Variants in TUBGCP2 observed in about 807,000 individuals in gnomAD.
TUBGCP2 encodes the protein gamma-tubulin complex component 2.
TUBGCP2 carries 55 observed loss-of-function variants against 92.2 expected under a neutral mutation model. The observed-to-expected ratio is 0.60, with a 90% CI of 0.48 to 0.75. TUBGCP2 has a LOEUF of 0.75. Among genes scored for constraint, TUBGCP2 ranks in the 30% least tolerant of loss-of-function variants. The pLI is 0.00. For synonymous variants in TUBGCP2, 533 were observed against 505.2 expected (o/e 1.06, Z -0.74); for missense variants, 1,093 against 1,188.9 (o/e 0.92, Z 1.19).
rs1564937795 is a variant in TUBGCP2, at chr10:133,289,805, C to CTCG, written c.1360+18_1360+19insCGA. The CTCG allele has an allele frequency of 6.2e-7, 1 of 1,613,562 alleles. No homozygotes were observed. The highest frequency in any genetic ancestry group is 8.5e-7 in the Non-Finnish European group (1 of 1,179,800). ...AGAGCTGTGCTGCGCACCCCAAGTCCCCGCCCGCTGCGCCGCACCTGTGCT... is the reference window on the plus strand; with the variant it reads ...AGAGCTGTGCTGCGCACCCCAAGTCCTCGCCGCCCGCTGCGCCGCACCTGTGCT... On this transcript the variant is annotated intron_variant, in intron 9 of 17. Coordinates refer to ENST00000252936, the MANE Select transcript of TUBGCP2 (RefSeq NM_006659.4).
In TUBGCP2 at chr10:133,278,863, C is replaced by T. The variant is rs936817248; in HGVS notation, c.*903G>A. ...GCCCTTCCTCACTGCCCAAGGGGGC[C>T]GAGGTGCTGAGAGCTGAAGGTGACA... On this transcript the variant is annotated 3_prime_UTR_variant, in exon 18 of 18. Coordinates refer to ENST00000252936, the MANE Select transcript of TUBGCP2 (RefSeq NM_006659.4). 5.3e-5 allele frequency: 8 copies of T among 152,362 alleles called. No individual in the cohort carries two copies. The highest frequency in any genetic ancestry group is 2.6e-4 in the Admixed American group (4 of 15,288). 9.4% of individuals were successfully genotyped at this position (152,362 alleles called of 1,614,324 possible). A position where few individuals can be genotyped will look rare whatever the true frequency, so the allele number is the denominator to read the frequency against.
chr10:133,308,276 G>A (rs900800969), intron 1 of TUBGCP2, among the ~76,000 whole-genome samples: 1 of 152,166 alleles, frequency 6.6e-6, no homozygotes, highest in African/African-American at 2.4e-5. Context: ...TCCCCCACAC[G>A]CCCTGAGCAC....
At position 133,285,387 on chromosome 10, in the gene TUBGCP2, G is replaced by A. The variant is rs756171618; in HGVS notation, c.1895+69C>T. On this transcript the variant is annotated intron_variant, in intron 12 of 17. Transcript: ENST00000252936. This position sits in a 1 kb window ranked among gnomAD's most constrained non-coding sequence, Gnocchi z 6.8. The stretch of plus-strand genomic sequence containing the variant: ...CTCTGTGGGACGAGGTGGCCACCGC[G>A]TGGCACAGTTCTCGCTTCTGCCAAA... The A allele has an allele frequency of 9.3e-6, 15 of 1,606,560 alleles. No homozygotes were observed. The highest frequency in any genetic ancestry group is 1.7e-5 in the Admixed American group (1 of 58,810).
chr10:133,305,552 G>A (rs1443205020), intron 1 of TUBGCP2, among the ~76,000 whole-genome samples: 4 of 151,754 alleles, frequency 2.6e-5, no homozygotes, highest in African/African-American at 2.4e-5. Flanking sequence ...TCTCATCTCC[G>A]CACACGAGGA....
chr10:133,306,944 C>T lies in TUBGCP2; in HGVS notation c.-40+1879G>A, dbSNP rs1024406277. On this transcript the variant is annotated intron_variant, in intron 1 of 17. Transcript: ENST00000252936. Reference sequence around the variant, plus strand: ...GGACCGGGCCTCCAAGAGGGCAGCCCGTACTCGCACAGAGTCCCTCCCCCC... The same window carrying T: ...GGACCGGGCCTCCAAGAGGGCAGCCTGTACTCGCACAGAGTCCCTCCCCCC... Among the ~76,000 whole-genome samples, 34 of 152,140 alleles carry T rather than the reference C, an allele frequency of 2.2e-4. 1 individual carries two copies. The highest frequency in any genetic ancestry group is 1.4e-3 in the Admixed American group (22 of 15,272).
rs1589822976 is a variant in TUBGCP2, at chr10:133,285,134, A to C, written c.1975T>G (p.Trp659Gly). ...KHVERQLCSV[W>G]ISNKTAKQHS... ...TGCTTGGCGGTTTTGTTGCTGATCC[A>C]GACGCTGCAGAGCTGCCGCTCCACG... The change falls in exon 13 of 18, where the codon TGG becomes GGG. Residue 659 changes from tryptophan to glycine, a missense_variant. Trp to Gly is a radical substitution (Grantham distance 184). Coordinates refer to ENST00000252936, the MANE Select transcript of TUBGCP2 (RefSeq NM_006659.4). The surrounding 1 kb of genome is among the most constrained non-coding windows in gnomAD (Gnocchi z 6.8). 1 of 1,612,984 alleles carries C rather than the reference A, an allele frequency of 6.2e-7. No homozygotes were observed. Among genetic ancestry groups the C allele is most frequent in the Non-Finnish European group, 8.5e-7 (1 of 1,179,520 alleles).
chr10:133,293,849 GTCTCAC>G, intron 5 of TUBGCP2, 80 bp from the exon 6 acceptor site: 1 of 1,340,184 alleles, frequency 7.5e-7, no homozygotes, highest in Non-Finnish European at 1.0e-6. Flanking sequence ...CTGCGGGTCA[GTCTCAC>G]TCTTGCTCAT....
intron 4 of TUBGCP2, among the ~76,000 whole-genome samples, chr10:133,298,587 A>G (rs951952476): frequency 6.6e-6 from 1 of 152,264 alleles, no homozygotes; most frequent in Non-Finnish European, 1.5e-5. Context: ...GGCTCCTGAC[A>G]TGTGGTCAGA....
chr10:133,309,980 G>A (rs1169948918), upstream of TUBGCP2: 2 of 1,612,484 alleles, frequency 1.2e-6, no homozygotes, highest in Admixed American at 3.3e-5. Flanking sequence ...AGGACATGGT[G>A]GGTGACAACT....
chr10:133,284,581 G>A (rs187411957), intron 13 of TUBGCP2, among the ~76,000 whole-genome samples: 8 of 152,160 alleles, frequency 5.3e-5, no homozygotes, highest in Middle Eastern at 3.4e-3. Context: ...GGCGGGTCTC[G>A]AACTTGTGGG....
chr10:133,309,545 C>T (rs1355176790), upstream of TUBGCP2: 6 of 1,497,036 alleles, frequency 4.0e-6, no homozygotes, highest in Admixed American at 3.8e-5. Flanking sequence ...GCTGTGCTGC[C>T]GCTCTTCCAT....
Position 133,283,140 on chromosome 10 carries a change from C to T in TUBGCP2, c.2227G>A (p.Glu743Lys), listed in dbSNP as rs1847032036. 1.9e-6 allele frequency: 3 copies of T among 1,614,214 alleles called. No homozygotes were observed. The highest frequency in any genetic ancestry group is 1.7e-6 in the Non-Finnish European group (2 of 1,180,046). ...CLKDCMLTNP[E>K]LLKVFSKLMS... ...AGCTTGGAGAAGACCTTCAGCAGCT[C>T]GGGGTTGGTGAGCATGCAGTCCTTC... The change falls in exon 15 of 18, where the codon GAG (glutamate) becomes AAG (lysine). Residue 743 changes from glutamate to lysine, a missense_variant. This residue lies in a region of TUBGCP2 where 598 missense variants were observed against 675.5 expected (regional missense o/e 0.89). Coordinates refer to ENST00000252936, the MANE Select transcript of TUBGCP2 (RefSeq NM_006659.4).
chr10:133,280,444 AC>A (rs1467779293), intron 17 of TUBGCP2, among the ~76,000 whole-genome samples: 3 of 152,092 alleles, frequency 2.0e-5, no homozygotes, highest in African/African-American at 4.8e-5. Context: ...CAAGGACAGC[AC>A]CCCCAAGGGC....
rs374325384 is a variant in TUBGCP2 at position 133,283,522 on chromosome 10, C to G, written c.2146-301G>C. ...CCTCAGATGCGCAATGTGGGAGAGA[C>G]AACCTCGGGGCAAAGACGGCTCAGA... On this transcript the variant is annotated intron_variant, in intron 14 of 17. Transcript: ENST00000252936. 7.2e-5 allele frequency among the ~76,000 whole-genome samples: 11 copies of G among 152,368 alleles called. No individual in the cohort carries two copies. In the East Asian group the frequency reaches 7.7e-4, roughly 11 times the overall value.
upstream of TUBGCP2, chr10:133,309,537 T>C: frequency 6.6e-7 from 1 of 1,517,442 alleles, no homozygotes; most frequent in South Asian, 1.2e-5. Context: ...TCCCTGGGGC[T>C]GTGCTGCCGC....
At position 133,292,976 on chromosome 10, in the gene TUBGCP2, C is replaced by T. The variant is rs967085863; in HGVS notation, c.1024+63G>A. ...GGCCCCTGCAGAGTCTCTCCTCACA[C>T]TGGGTGCCATGTTCAACACCTGCCA... is the stretch of plus-strand genomic sequence containing the variant. On this transcript the variant is annotated intron_variant, in intron 7 of 17. Transcript: ENST00000252936. The T allele has an allele frequency of 3.2e-6, 5 of 1,566,994 alleles. No individual in the cohort carries two copies. In the African/African-American group the frequency reaches 6.8e-5, roughly 21 times the overall value.
rs556384069 is a variant in TUBGCP2, at chr10:133,304,595, C to T, written c.-39-1615G>A. On this transcript the variant is annotated intron_variant, in intron 1 of 17. Transcript: ENST00000252936. The stretch of plus-strand genomic sequence containing the variant: ...AGCTCAACAAAACATCGAGTGTGGG[C>T]GGCAAGCCACCCAGGTGCCGAGGCA... 1.5e-4 allele frequency among the ~76,000 whole-genome samples: 23 copies of T among 152,290 alleles called. 1 individual carries two copies. The East Asian group carries it at 3.5e-3, about 23-fold the overall frequency.
chr10:133,281,180 G>C, intron 17 of TUBGCP2, 93 bp downstream of exon 17: 1 of 1,276,832 alleles, frequency 7.8e-7, no homozygotes, highest in Non-Finnish European at 1.1e-6. Context: ...GTGCTGGACT[G>C]AGCTGAGGAA....
At chr10:133,299,333 G>C (rs981865832) in intron 4 of TUBGCP2, 94 bp downstream of exon 4, 6 of 1,089,110 alleles carry the variant, frequency 5.5e-6, no homozygotes, top group Non-Finnish European at 6.3e-6. Context: ...TTCCAGCAGG[G>C]GCCCGGCACA....
Sources: allele counts gnomAD v4.1 joint callset (sites outside exome capture counted in the v4.1 genomes callset), GRCh38; gene constraint gnomAD v4.1.1; regional missense constraint gnomAD v4.1.1; non-coding constraint Gnocchi (gnomAD v3.1); transcripts MANE v1.5; gene names NCBI Gene and HGNC (gene_info 2026-07-23, HGNC 2026-07-21).